Variants in EMP1 observed in about 807,000 individuals in gnomAD.
EMP1 encodes epithelial membrane protein 1, also known as tumor-associated membrane protein.
EMP1 carries 5 observed loss-of-function variants against 15.7 expected under a neutral mutation model. That is an observed-to-expected ratio of 0.32 (90% confidence interval 0.17 to 0.67). The LOEUF is 0.67. EMP1 is among the 30% of genes least tolerant of loss of function. EMP1 has a pLI of 0.74. For synonymous variants in EMP1, 78 were observed against 76.7 expected, an observed-to-expected ratio of 1.02 and a Z score of -0.09; for missense variants, 166 against 194.2, an observed-to-expected ratio of 0.85 and a Z score of 0.86.
Position 13,214,904 on chromosome 12 carries a change from C to T in EMP1, c.*213C>T, listed in dbSNP as rs1054734401. On this transcript the variant is annotated 3_prime_UTR_variant, in exon 5 of 5. Coordinates refer to ENST00000256951, the MANE Select transcript of EMP1 (RefSeq NM_001423.3). ...AAAGTAGTTGGCTAGTACTTTGATGCTCCCTTGATGGGGTCCAGAGAGCCT... is the reference window on the plus strand; with the variant it reads ...AAAGTAGTTGGCTAGTACTTTGATGTTCCCTTGATGGGGTCCAGAGAGCCT... 6 of 504,654 alleles carry T rather than the reference C, an allele frequency of 1.2e-5. No homozygotes were observed. The highest frequency in any genetic ancestry group is 2.1e-5 in the Non-Finnish European group (6 of 279,500). 31.3% of individuals were successfully genotyped at this position (504,654 alleles called of 1,614,324 possible).
Position 13,219,218 on chromosome 12 carries a change from C to A in EMP1, c.*4527C>A, listed in dbSNP as rs981178880. 2 of 152,194 alleles carry A rather than the reference C, an allele frequency of 1.3e-5. No individual in the cohort carries two copies. The highest frequency in any genetic ancestry group is 4.8e-5 in the African/African-American group (2 of 41,410). The allele number at this position is 152,194 out of a possible 1,614,324, so 9.4% of individuals were successfully genotyped here. On this transcript the variant is annotated 3_prime_UTR_variant, in exon 5 of 5. Coordinates refer to ENST00000256951, the MANE Select transcript of EMP1 (RefSeq NM_001423.3). ...TCTATCACTGTCGGGGCAGGGAGGG[C>A]CAGAACACTAGCATAAGATGTCAAT...
At chr12:13,212,036 C>T (rs1864168516) in intron 2 of EMP1, 1 of 157,380 alleles carries the variant, frequency 6.4e-6, no homozygotes, top group African/African-American at 2.4e-5. Context: ...AGGACACACA[C>T]CTATGTGGCT....
Position 13,214,555 on chromosome 12 carries a change from T to A in EMP1, c.338T>A (p.Val113Glu), listed in dbSNP as rs973959794. The change falls in exon 5 of 5, where the codon GTG (valine) becomes GAG (glutamate). Residue 113 changes from valine (V) to glutamate (E), a missense_variant. By Grantham distance (121) the Val-to-Glu change is moderately radical (BLOSUM62 -2). Coordinates refer to ENST00000256951, the MANE Select transcript of EMP1 (RefSeq NM_001423.3). ...LVCWLCILVGVSIYTSHYANR... is the reference protein window; with the variant it reads ...LVCWLCILVGESIYTSHYANR... ...GCAGGGCTGTGCATTCTTGTGGGGG[T>A]GTCCATCTACACTAGTCATTATGCG... 1 of 1,612,730 alleles carries A rather than the reference T, an allele frequency of 6.2e-7. No homozygotes were observed.
rs756465513 is a variant in EMP1 at position 13,214,593 on chromosome 12, A to G, written c.376A>G (p.Thr126Ala). ...YTSHYANRDG[T>A]QYHHGYSYIL... is the part of the protein sequence containing the mutation. ...TAGTCATTATGCGAATCGTGATGGA[A>G]CGCAGTATCACCACGGCTATTCCTA... Residue 126 changes from threonine to alanine, a missense_variant, in exon 5 of 5, where the codon ACG (threonine) becomes GCG (alanine). By Grantham distance (58) the Thr-to-Ala change is moderately conservative (BLOSUM62 0). Coordinates refer to ENST00000256951, the MANE Select transcript of EMP1 (RefSeq NM_001423.3). 3.5e-5 allele frequency: 57 copies of G among 1,613,816 alleles called. No individual in the cohort carries two copies. Among genetic ancestry groups the G allele is most frequent in the Non-Finnish European group, 4.7e-5 (55 of 1,179,996 alleles).
intron 1 of EMP1, among the ~76,000 whole-genome samples, chr12:13,204,633 A>C (rs1027723971): frequency 6.6e-6 from 1 of 152,182 alleles, no homozygotes; most frequent in Non-Finnish European, 1.5e-5. Flanking sequence ...TGTCACGCTG[A>C]GGAAGGTGGT....
At chr12:13,197,733 C>T (rs1317194920) in intron 1 of EMP1, among the ~76,000 whole-genome samples, 1 of 151,816 alleles carries the variant, frequency 6.6e-6, no homozygotes, top group African/African-American at 2.4e-5. Context: ...TGAGATTGCG[C>T]CACTACACTC....
intron 1 of EMP1, among the ~76,000 whole-genome samples, chr12:13,203,116 G>A (rs1333942169): frequency 6.6e-6 from 1 of 152,036 alleles, no homozygotes; most frequent in East Asian, 1.9e-4. Flanking sequence ...CCAGCTTGCC[G>A]CCTTCCAGGA....
chr12:13,202,351 T>C (rs1291177861), intron 1 of EMP1, among the ~76,000 whole-genome samples: 1 of 152,196 alleles, frequency 6.6e-6, no homozygotes, highest in Non-Finnish European at 1.5e-5. Context: ...ACCTCTTCAA[T>C]GTTTCTCCTC....
Position 13,216,564 on chromosome 12 carries a change from A to G in EMP1, c.*1873A>G. The G allele has an allele frequency of 1.5e-6, 1 of 666,886 alleles. No homozygotes were observed. Among genetic ancestry groups the G allele is most frequent in the Non-Finnish European group, 2.7e-6 (1 of 367,582 alleles). 41.3% of individuals were successfully genotyped at this position (666,886 alleles called of 1,614,324 possible). On this transcript the variant is annotated 3_prime_UTR_variant, in exon 5 of 5. Coordinates refer to ENST00000256951, the MANE Select transcript of EMP1 (RefSeq NM_001423.3). Reference sequence around the variant, plus strand: ...TACTCACATTTTGTTAAGAAGTTGAACTATGACTGGAGTAAACCATGTATT... The same window carrying G: ...TACTCACATTTTGTTAAGAAGTTGAGCTATGACTGGAGTAAACCATGTATT...
chr12:13,209,719 G>A (rs1001612456), intron 1 of EMP1: 1 of 152,106 alleles, frequency 6.6e-6, no homozygotes, highest in African/African-American at 2.4e-5. Flanking sequence ...AACTGGATAT[G>A]ATTCTAATTC....
At position 13,208,295 on chromosome 12, in the gene EMP1, GT is replaced by G. The variant is rs773353615; in HGVS notation, c.-42-3171del. 1.2e-3 allele frequency among the ~76,000 whole-genome samples: 186 copies of G among 152,258 alleles called. 2 individuals carry two copies. The highest frequency in any genetic ancestry group is 2.1e-3 in the Non-Finnish European group (145 of 68,028). On this transcript the variant is annotated intron_variant, in intron 1 of 4. Coordinates refer to ENST00000256951, the MANE Select transcript of EMP1 (RefSeq NM_001423.3). ...AAGTTTCAGGAGCAGGGGTTCTTCT[GT>G]TTATTATACTCTGCTATTTGATAAA...
At chr12:13,213,282 T>C (rs769522756) in intron 2 of EMP1, 197 bp from the exon 3 acceptor site, 2 of 602,344 alleles carry the variant, frequency 3.3e-6, no homozygotes, top group Non-Finnish European at 5.9e-6. Flanking sequence ...TTCTTCTGTG[T>C]CTCTTCTCTT....
In EMP1 at chr12:13,214,786, TA is replaced by T. The variant is rs1481980494; in HGVS notation, c.*96del. The T allele has an allele frequency of 1.3e-4, 10 of 76,968 alleles. No individual in the cohort carries two copies. The highest frequency in any genetic ancestry group is 6.0e-4 in the Admixed American group (3 of 4,974). The allele number at this position is 76,968 out of a possible 1,614,324, so 4.8% of individuals were successfully genotyped here. On this transcript the variant is annotated 3_prime_UTR_variant, in exon 5 of 5. Transcript: ENST00000256951. Reference sequence around the variant, plus strand: ...GGTTGCTGTACAGGAAAAACCGAGATAGGGGAGGGGGGAGGGGGAAGCAAAG... The same window carrying T: ...GGTTGCTGTACAGGAAAAACCGAGATGGGGAGGGGGGAGGGGGAAGCAAAG...
At position 13,216,812 on chromosome 12, in the gene EMP1, A is replaced by AT. The variant is rs1481054401; in HGVS notation, c.*2122dup. On this transcript the variant is annotated 3_prime_UTR_variant, in exon 5 of 5. Coordinates refer to ENST00000256951, the MANE Select transcript of EMP1 (RefSeq NM_001423.3). ...TTTTTTCTAAAAAAAATGTGGAGAA[A>AT]TATGGATAATTATGACATTTATCCC... The AT allele has an allele frequency of 5.0e-6, 1 of 200,358 alleles. No individual in the cohort carries two copies. The highest frequency in any genetic ancestry group is 1.0e-5 in the Non-Finnish European group (1 of 99,564). 12.4% of individuals were successfully genotyped at this position (200,358 alleles called of 1,614,324 possible).
At chr12:13,207,660 A>T (rs1025718548) in intron 1 of EMP1, among the ~76,000 whole-genome samples, 1 of 152,116 alleles carries the variant, frequency 6.6e-6, no homozygotes, top group Non-Finnish European at 1.5e-5. Context: ...GTCAACATAC[A>T]TGGGTCCTAT....
In EMP1 at chr12:13,211,450, CCTTT is replaced by C. The variant is rs774231293; in HGVS notation, c.-42-14_-42-11del. 198 of 1,572,854 alleles carry C rather than the reference CCTTT, an allele frequency of 1.3e-4. No homozygotes were observed. Among genetic ancestry groups the C allele is most frequent in the Non-Finnish European group, 1.6e-4 (183 of 1,148,780 alleles). ...GAATCTGACAGTAACCGTTTTTGTC[CCTTT>C]CTTTTTCTTTTCAGAACTCTCTTTG... On this transcript the variant is annotated splice_polypyrimidine_tract_variant and intron_variant, in intron 1 of 4. Coordinates refer to ENST00000256951, the MANE Select transcript of EMP1 (RefSeq NM_001423.3). This position sits in a 1 kb window ranked among gnomAD's most constrained non-coding sequence, Gnocchi z 4.7.
intron 1 of EMP1, among the ~76,000 whole-genome samples, chr12:13,207,029 G>A (rs1174300321): frequency 6.6e-6 from 1 of 151,604 alleles, no homozygotes; most frequent in African/African-American, 2.4e-5. Context: ...GAGAGGTTTG[G>A]TTATCCCTCT....
rs1864232344 is a variant in EMP1, at chr12:13,218,300, G to A, written c.*3609G>A. The A allele has an allele frequency of 6.6e-6, 1 of 152,180 alleles. No homozygotes were observed. 9.4% of individuals were successfully genotyped at this position (152,180 alleles called of 1,614,324 possible). A position where few individuals can be genotyped will look rare whatever the true frequency, so the allele number is the denominator to read the frequency against. On this transcript the variant is annotated 3_prime_UTR_variant, in exon 5 of 5. Transcript: ENST00000256951. The stretch of plus-strand genomic sequence containing the variant: ...GAAAGAAGGCATATGAAGACCAAAA[G>A]GATATTGAGCAGGGTTCCATACTTG...
chr12:13,209,181 T>C (rs144203417), intron 1 of EMP1: 1 of 152,348 alleles, frequency 6.6e-6, no homozygotes, highest in Non-Finnish European at 1.5e-5. Flanking sequence ...CCGAGGAGGA[T>C]TAAACATAAG....
Sources: gnomAD v4.1 joint callset for allele counts (sites outside exome capture counted in the v4.1 genomes callset) on GRCh38, gnomAD v4.1.1 for gene constraint, Gnocchi (gnomAD v3.1) non-coding constraint, MANE v1.5 for transcripts, NCBI Gene and HGNC (gene_info 2026-07-23, HGNC 2026-07-21) for gene names.